The following TXLNB variants were observed in gnomAD, a reference collection of about 807,000 sequenced individuals.
The protein encoded by TXLNB is beta-taxilin.
Under a neutral mutation model 57.4 loss-of-function variants are expected in TXLNB, and 37 were observed. That is an observed-to-expected ratio of 0.64 (90% CI 0.50 to 0.85). The LOEUF (loss-of-function observed/expected upper bound fraction) is 0.85. Among genes scored for constraint, TXLNB ranks in the 40% least tolerant of loss-of-function variants. The pLI is 0.00. For synonymous variants in TXLNB, 302 were observed against 309.6 expected, an observed-to-expected ratio of 0.98 and a Z score of 0.26; for missense variants, 848 against 825.6, an observed-to-expected ratio of 1.03 and a Z score of -0.33.
At chr6:139,169,855 G>C in the TXLNB span, 1 of 152,218 alleles carries the variant, frequency 6.6e-6, no homozygotes, top group African/African-American at 2.4e-5. Flanking sequence ...CCTAAGTCTA[G>C]CCCAGGTTCA....
intron 2 of TXLNB, 154 bp from the exon 3 acceptor site, chr6:139,277,075 C>A: frequency 1.7e-6 from 1 of 585,136 alleles, no homozygotes; most frequent in Non-Finnish European, 3.0e-6. Context: ...GAAATGATGA[C>A]ACCTACCTTA....
At chr6:139,167,509 A>G in the TXLNB span, among the ~76,000 whole-genome samples, 4 of 152,218 alleles carry the variant, frequency 2.6e-5, no homozygotes, top group African/African-American at 9.6e-5. Context: ...CTGATGTCAC[A>G]GTACCAAGTA....
intron 5 of TXLNB, among the ~76,000 whole-genome samples, chr6:139,262,082 A>G (rs1443641887): frequency 2.0e-5 from 3 of 150,320 alleles, no homozygotes; most frequent in African/African-American, 7.3e-5. Context: ...TTTTTTTTGT[A>G]TTTGTAGTAG....
chr6:139,188,358 C>G, the TXLNB span, among the ~76,000 whole-genome samples: 2 of 152,194 alleles, frequency 1.3e-5, no homozygotes, highest in Admixed American at 6.5e-5. Flanking sequence ...AATTTTGTGA[C>G]AGCCGTATTT....
chr6:139,219,734 T>C, the TXLNB span, among the ~76,000 whole-genome samples: 1 of 152,154 alleles, frequency 6.6e-6, no homozygotes. Flanking sequence ...CTGGAAAATC[T>C]CATCAATATG....
upstream of TXLNB, among the ~76,000 whole-genome samples, chr6:139,296,295 G>A (rs1777388149): frequency 6.6e-6 from 1 of 152,092 alleles, no homozygotes; most frequent in South Asian, 2.1e-4. Flanking sequence ...TGATAGTTTG[G>A]CTAGATGTAA....
chr6:139,276,743 G>T, intron 3 of TXLNB, 87 bp downstream of exon 3: 2 of 958,284 alleles, frequency 2.1e-6, no homozygotes. Context: ...ATTCATTCTC[G>T]GATTGGCAGG....
chr6:139,211,147 T>C, the TXLNB span, among the ~76,000 whole-genome samples: 2 of 152,212 alleles, frequency 1.3e-5, no homozygotes, highest in Non-Finnish European at 2.9e-5. Context: ...TCTCCCAGCA[T>C]GCAGCTTGAG....
chr6:139,276,264 A>G (rs1047924840), intron 3 of TXLNB, among the ~76,000 whole-genome samples: 1 of 152,228 alleles, frequency 6.6e-6, no homozygotes, highest in Non-Finnish European at 1.5e-5. Context: ...AACTATGTCA[A>G]TATACCTAAA....
chr6:139,172,747 T>C, the TXLNB span, among the ~76,000 whole-genome samples: 1 of 152,242 alleles, frequency 6.6e-6, no homozygotes, highest in South Asian at 2.1e-4. Context: ...CTGGACTTGC[T>C]ACTTAAATCT....
chr6:139,256,516 G>C (rs943217588), intron 6 of TXLNB, among the ~76,000 whole-genome samples: 24 of 152,322 alleles, frequency 1.6e-4, no homozygotes, highest in African/African-American at 5.1e-4. Flanking sequence ...TTTTACTAGA[G>C]ACGGGGTTTT....
the TXLNB span, among the ~76,000 whole-genome samples, chr6:139,188,435 T>G: frequency 4.6e-5 from 7 of 152,200 alleles, no homozygotes; most frequent in Admixed American, 4.6e-4. Context: ...CTTCTTTGGA[T>G]GGAAAAATGA....
chr6:139,166,961 T>G, the TXLNB span: 1 of 1,614,122 alleles, frequency 6.2e-7, no homozygotes, highest in Non-Finnish European at 8.5e-7. Context: ...GGGCCATGTG[T>G]TCAGAAATGC....
At chr6:139,190,452 G>GGTGCCCACCGCC in the TXLNB span, among the ~76,000 whole-genome samples, 1 of 151,786 alleles carries the variant, frequency 6.6e-6, no homozygotes, top group South Asian at 2.1e-4. Flanking sequence ...TGGGACTACA[G>GGTGCCCACCGCC]GTGCCCACCG....
the TXLNB span, among the ~76,000 whole-genome samples, chr6:139,301,330 T>C: frequency 1.1e-4 from 16 of 152,142 alleles, no homozygotes; most frequent in Admixed American, 1.0e-3. Flanking sequence ...TGCCACCAAA[T>C]ACAAAAGATG....
chr6:139,167,079 TC>T, the TXLNB span: 1 of 1,614,042 alleles, frequency 6.2e-7, no homozygotes, highest in Non-Finnish European at 8.5e-7. Context: ...CTCACTCACA[TC>T]CCCAGGCATA....
chr6:139,278,013 A>G (rs1022974751), intron 2 of TXLNB, among the ~76,000 whole-genome samples: 1 of 152,194 alleles, frequency 6.6e-6, no homozygotes, highest in East Asian at 1.9e-4. Flanking sequence ...CTAAAAAATG[A>G]TTCGTTGTTT....
downstream of TXLNB, chr6:139,237,462 A>G (rs60719937): frequency 0.11 from 15,786 of 150,250 alleles, 2,248 homozygotes; most frequent in African/African-American, 0.33. Flanking sequence ...TCAAGATCGT[A>G]CTACTGCAGT....
downstream of TXLNB, chr6:139,239,595 C>G (rs377166196): frequency 6.6e-6 from 1 of 152,310 alleles, no homozygotes. The surrounding 1 kb of genome is among the most constrained non-coding windows in gnomAD (Gnocchi z 4.7). Context: ...CAGGCTCAAG[C>G]GATCCTCCTG....
Sources: allele counts gnomAD v4.1 joint callset (sites outside exome capture counted in the v4.1 genomes callset), GRCh38; gene constraint gnomAD v4.1.1; non-coding constraint Gnocchi (gnomAD v3.1); transcripts MANE v1.5; gene names NCBI Gene and HGNC (gene_info 2026-07-23, HGNC 2026-07-21).